The following CNTNAP4 variants were observed in gnomAD, a reference collection of about 807,000 sequenced individuals.
CNTNAP4 encodes the protein contactin-associated protein-like 4.
Under a neutral mutation model 148.4 loss-of-function variants are expected in CNTNAP4, and 98 were observed. The ratio of observed to expected loss-of-function variants is 0.66; its 90% CI spans 0.56 to 0.78. The LOEUF (loss-of-function observed/expected upper bound fraction) is 0.78. Ranked by LOEUF, CNTNAP4 falls within the 30% of genes least tolerant of loss-of-function variation. CNTNAP4 has a pLI of 0.00. For synonymous variants in CNTNAP4, 730 were observed against 565.1 expected, an observed-to-expected ratio of 1.29 and a Z score of -4.14; for missense variants, 1,935 against 1,565.6, an observed-to-expected ratio of 1.24 and a Z score of -3.98.
In CNTNAP4 at chr16:76,498,598, G is replaced by T; in HGVS notation, c.2269G>T (p.Glu757Ter). ...TNDTGLLAYK[E>*]HLPVTKIVIT... Reference sequence around the variant, plus strand: ...TGACACTGGATTGCTTGCTTATAAAGAACATCTTCCAGTAACTAAGATCGT... The same window carrying T: ...TGACACTGGATTGCTTGCTTATAAATAACATCTTCCAGTAACTAAGATCGT... The change falls in exon 15 of 24, where the codon GAA becomes TAA. Residue 757 changes from glutamate (E) to a stop codon, truncating the protein, a stop_gained. Transcript: ENST00000611870. LOFTEE classifies it high-confidence loss of function. The T allele has an allele frequency of 1.2e-6, 2 of 1,612,250 alleles. No individual in the cohort carries two copies. The highest frequency in any genetic ancestry group is 1.7e-6 in the Non-Finnish European group (2 of 1,179,060).
chr16:76,512,794 C>T (rs2083079674), intron 15 of CNTNAP4, among the ~76,000 whole-genome samples: 1 of 152,058 alleles, frequency 6.6e-6, no homozygotes. Flanking sequence ...AATATATCAC[C>T]TATGAGAAAA....
At chr16:76,535,026 A>T (rs867582963) in intron 17 of CNTNAP4, among the ~76,000 whole-genome samples, 2 of 152,222 alleles carry the variant, frequency 1.3e-5, no homozygotes, top group South Asian at 2.1e-4. Context: ...AGCCAAAAAC[A>T]AATAATCTGA....
At chr16:76,320,234 G>T (rs1962262153) in intron 2 of CNTNAP4, among the ~76,000 whole-genome samples, 1 of 152,180 alleles carries the variant, frequency 6.6e-6, no homozygotes, top group Admixed American at 6.5e-5. Context: ...GCTGGGTAAA[G>T]ATTAGATCTT....
At chr16:76,324,915 G>A (rs772060859) in intron 2 of CNTNAP4, among the ~76,000 whole-genome samples, 5 of 152,186 alleles carry the variant, frequency 3.3e-5, no homozygotes, top group Non-Finnish European at 5.9e-5. Context: ...TCACACTGGG[G>A]ATTAGGGCTT....
chr16:76,457,853 A>G (rs1326069815), intron 8 of CNTNAP4, among the ~76,000 whole-genome samples: 4 of 151,850 alleles, frequency 2.6e-5, no homozygotes, highest in African/African-American at 9.7e-5. Flanking sequence ...TTACATGGGT[A>G]TATTGCATGG....
At chr16:76,294,830 GTTA>G (rs1014525880) in intron 1 of CNTNAP4, among the ~76,000 whole-genome samples, 1 of 152,184 alleles carries the variant, frequency 6.6e-6, no homozygotes, top group Admixed American at 6.5e-5. Context: ...TTCTTGAAAT[GTTA>G]TTATGGTCTC....
At position 76,489,838 on chromosome 16, in the gene CNTNAP4, G is replaced by C. The variant is rs1443270137; in HGVS notation, c.2035G>C (p.Glu679Gln). 11 of 1,595,420 alleles carry C rather than the reference G, an allele frequency of 6.9e-6. No individual in the cohort carries two copies. The highest frequency in any genetic ancestry group is 9.4e-6 in the Non-Finnish European group (11 of 1,168,410). ...TAACCGTGCAGAGCACTGTGAACAGGAGTTTACTTATTACTGCAAGAAGTC... is the reference window on the plus strand; with the variant it reads ...TAACCGTGCAGAGCACTGTGAACAGCAGTTTACTTATTACTGCAAGAAGTC... ...TINRAEHCEQ[E>Q]FTYYCKKSRL... Residue 679 changes from glutamate (E) to glutamine (Q), a missense_variant, in exon 13 of 24, where the codon GAG (glutamate) becomes CAG (glutamine). Physicochemically the swap from Glu to Gln is conservative, Grantham distance 29 (BLOSUM62 2). Coordinates refer to ENST00000611870, the MANE Select transcript of CNTNAP4 (RefSeq NM_033401.5).
At chr16:76,432,472 C>G (rs2079645166) in intron 4 of CNTNAP4, 1 of 152,072 alleles carries the variant, frequency 6.6e-6, no homozygotes, top group African/African-American at 2.4e-5. Context: ...TTTCCAATAT[C>G]TTGGCCATAG....
intron 1 of CNTNAP4, among the ~76,000 whole-genome samples, chr16:76,281,292 A>G (rs543796448): frequency 8.5e-5 from 13 of 152,236 alleles, no homozygotes; most frequent in African/African-American, 2.9e-4. Flanking sequence ...AAGTACTGAT[A>G]AAATATAATT....
chr16:76,301,699 A>G (rs1261410456), intron 1 of CNTNAP4, among the ~76,000 whole-genome samples: 1 of 152,132 alleles, frequency 6.6e-6, no homozygotes, highest in Non-Finnish European at 1.5e-5. Context: ...GCAAAAGAGG[A>G]AAGATTTATT....
At chr16:76,449,036 C>T in intron 6 of CNTNAP4, 85 bp downstream of exon 6, 1 of 1,261,524 alleles carries the variant, frequency 7.9e-7, no homozygotes, top group Non-Finnish European at 1.1e-6. Flanking sequence ...TATAAAGAGC[C>T]CACCTTTTCA....
chr16:76,472,853 A>G (rs1224682341), intron 10 of CNTNAP4, among the ~76,000 whole-genome samples: 1 of 152,170 alleles, frequency 6.6e-6, no homozygotes, highest in East Asian at 1.9e-4. Context: ...ACTAATGGGT[A>G]CTAAGCTTTA....
chr16:76,309,074 G>C (rs1160198671), intron 1 of CNTNAP4, among the ~76,000 whole-genome samples: 1 of 151,818 alleles, frequency 6.6e-6, no homozygotes, highest in Non-Finnish European at 1.5e-5. Flanking sequence ...GAAAGTGCTG[G>C]GATTACAAGC....
chr16:76,405,385 T>A (rs1452807191), intron 3 of CNTNAP4, among the ~76,000 whole-genome samples: 1 of 152,172 alleles, frequency 6.6e-6, no homozygotes, highest in South Asian at 2.1e-4. Flanking sequence ...TAGTTGACTT[T>A]TGGATAACAC....
At position 76,475,968 on chromosome 16, in the gene CNTNAP4, G is replaced by C. The variant is rs1295184053; in HGVS notation, c.1685G>C (p.Gly562Ala). The C allele has an allele frequency of 1.9e-6, 3 of 1,613,608 alleles. No individual in the cohort carries two copies. The African/African-American group carries it at 4.0e-5, about 22-fold the overall frequency. ...TTGCCCAACTATTGTGAACACGGTG[G>C]GGAGTGTTCCCAGTCCTGGAGCACC... The part of the protein sequence containing the change: ...RCLPNYCEHG[G>A]ECSQSWSTFH... Residue 562 changes from glycine (G) to alanine (A), a missense_variant, in exon 11 of 24, where the codon GGG (glycine) becomes GCG (alanine). By Grantham distance (60) the Gly-to-Ala change is moderately conservative. Coordinates refer to ENST00000611870, the MANE Select transcript of CNTNAP4 (RefSeq NM_033401.5).
At chr16:76,478,634 A>G (rs555405063) in intron 11 of CNTNAP4, among the ~76,000 whole-genome samples, 1 of 152,298 alleles carries the variant, frequency 6.6e-6, no homozygotes, top group South Asian at 2.1e-4. Context: ...CAAGTGTTCA[A>G]TGAGAGGTGT....
chr16:76,445,636 G>C (rs1013870511), intron 4 of CNTNAP4, among the ~76,000 whole-genome samples: 36 of 151,934 alleles, frequency 2.4e-4, no homozygotes, highest in African/African-American at 8.5e-4. Context: ...AAAAGCTTTA[G>C]GTGCCACAGA....
At chr16:76,447,242 C>G (rs1360382196) in intron 4 of CNTNAP4, among the ~76,000 whole-genome samples, 1 of 151,772 alleles carries the variant, frequency 6.6e-6, no homozygotes, top group Non-Finnish European at 1.5e-5. Flanking sequence ...CCTCAGAGGT[C>G]AAGGCTGCAG....
intron 2 of CNTNAP4, among the ~76,000 whole-genome samples, chr16:76,355,061 A>C (rs1423613180): frequency 6.6e-6 from 1 of 152,192 alleles, no homozygotes; most frequent in Admixed American, 6.6e-5. Flanking sequence ...AAACATTTTA[A>C]ATATTCAGCA....
Sources: allele counts gnomAD v4.1 joint callset (sites outside exome capture counted in the v4.1 genomes callset), GRCh38; gene constraint gnomAD v4.1.1; transcripts MANE v1.5; gene names NCBI Gene and HGNC (gene_info 2026-07-23, HGNC 2026-07-21).